MYRIP: variants seen among roughly 807,000 people sequenced by gnomAD.
The protein encoded by MYRIP is myosin VIIA and Rab interacting protein, also known as rab effector MyRIP.
Under a neutral mutation model 98.0 loss-of-function variants are expected in MYRIP, and 49 were observed. The ratio of observed to expected loss-of-function variants is 0.50; its 90% confidence interval spans 0.40 to 0.63. The LOEUF (loss-of-function observed/expected upper bound fraction) is 0.63. Ranked by LOEUF, MYRIP falls within the 30% of genes least tolerant of loss-of-function variation. The pLI is 0.00. For synonymous variants in MYRIP, 404 were observed against 409.5 expected, an observed-to-expected ratio of 0.99 and a Z score of 0.16; for missense variants, 1,004 against 1,058.2, an observed-to-expected ratio of 0.95 and a Z score of 0.71.
chr3:39,919,326 GGCAAGGTCCTAGGTCAGACT>G (rs1944245752), intron 2 of MYRIP, among the ~76,000 whole-genome samples: 2 of 152,208 alleles, frequency 1.3e-5, no homozygotes, highest in South Asian at 4.1e-4. Flanking sequence ...CCAAGGCTCA[GGCAAGGTCCTAGGTCAGACT>G]GCAAGGTCCT....
At chr3:39,889,798 G>T (rs1173995757) in intron 1 of MYRIP, among the ~76,000 whole-genome samples, 1 of 151,944 alleles carries the variant, frequency 6.6e-6, no homozygotes, top group Non-Finnish European at 1.5e-5. Flanking sequence ...TCTGAATTTT[G>T]TGTCATATTG....
chr3:39,973,123 C>T (rs1945640167), intron 2 of MYRIP, among the ~76,000 whole-genome samples: 1 of 152,024 alleles, frequency 6.6e-6, no homozygotes, highest in South Asian at 2.1e-4. Context: ...GATAAAGAGT[C>T]AAGACCCATC....
intron 2 of MYRIP, among the ~76,000 whole-genome samples, chr3:39,998,594 C>T (rs1946431371): frequency 6.6e-6 from 1 of 152,120 alleles, no homozygotes; most frequent in Admixed American, 6.5e-5. Flanking sequence ...GTGAAAATGG[C>T]CATACTGCCC....
At chr3:40,039,244 C>A (rs2125827273) in intron 2 of MYRIP, among the ~76,000 whole-genome samples, 1 of 152,226 alleles carries the variant, frequency 6.6e-6, no homozygotes, top group Non-Finnish European at 1.5e-5. Context: ...TCACATAGAC[C>A]ATGCCTCAAA....
intron 1 of MYRIP, among the ~76,000 whole-genome samples, chr3:39,883,587 A>C (rs1269455419): frequency 6.6e-6 from 1 of 152,138 alleles, no homozygotes; most frequent in Non-Finnish European, 1.5e-5. Context: ...ATAATAAAGC[A>C]GAAAATGTAT....
rs543326754 is a variant in MYRIP, at chr3:40,023,434, C to T, written c.111-20616C>T. Reference sequence around the variant, plus strand: ...AGAGATCAGTAACCATGCAGGCTGCCCCAGACTTAGGGTTGGAAGAGGAGG... The same window carrying T: ...AGAGATCAGTAACCATGCAGGCTGCTCCAGACTTAGGGTTGGAAGAGGAGG... On this transcript the variant is annotated intron_variant, in intron 2 of 16. Transcript: ENST00000302541. Among the ~76,000 whole-genome samples the T allele has an allele frequency of 1.8e-4, 27 of 152,124 alleles. No homozygotes were observed. The South Asian group carries it at 5.4e-3, about 30-fold the overall frequency.
chr3:40,258,169 C>T lies in MYRIP; in HGVS notation c.*3C>T. The stretch of plus-strand genomic sequence containing the variant: ...TGGAGTCAGCTGTGATGTACTGACA[C>T]CATGGAATTCCACTGCCAGTGACCC... On this transcript the variant is annotated 3_prime_UTR_variant, in exon 17 of 17. Coordinates refer to ENST00000302541, the MANE Select transcript of MYRIP (RefSeq NM_015460.4). The T allele has an allele frequency of 6.2e-7, 1 of 1,614,188 alleles. No individual in the cohort carries two copies. The highest frequency in any genetic ancestry group is 8.5e-7 in the Non-Finnish European group (1 of 1,180,008).
intron 10 of MYRIP, among the ~76,000 whole-genome samples, chr3:40,196,450 T>C (rs1168607383): frequency 6.6e-6 from 1 of 152,216 alleles, no homozygotes; most frequent in Non-Finnish European, 1.5e-5. Flanking sequence ...TCATTTCCAA[T>C]GTAATTCGCA....
chr3:39,937,954 G>A (rs77008403), intron 2 of MYRIP, among the ~76,000 whole-genome samples: 5,524 of 152,216 alleles, frequency 0.036, 338 homozygotes, highest in African/African-American at 0.13. Context: ...AAATGAAAAG[G>A]AGGAGGAGAG....
chr3:40,132,517 G>C lies in MYRIP; in HGVS notation c.333-18531G>C, dbSNP rs74203557. Among the ~76,000 whole-genome samples the C allele has an allele frequency of 8.2e-3, 1,243 of 152,350 alleles. 49 individuals are homozygous for C. The East Asian group carries it at 0.11, about 13-fold the overall frequency. ...TTCTCCAGAAGCCCAAGAGCTCTGA[G>C]AGCAAAAGTGTAAGGCCAAATTTGT... On this transcript the variant is annotated intron_variant, in intron 3 of 16. Transcript: ENST00000302541.
intron 2 of MYRIP, among the ~76,000 whole-genome samples, chr3:39,955,902 A>C (rs974201541): frequency 1.3e-5 from 2 of 152,250 alleles, no homozygotes; most frequent in East Asian, 3.8e-4. Flanking sequence ...AACAGATTTT[A>C]AATCAACAAA....
rs1000511163 is a variant in MYRIP, at chr3:40,107,889, AAT to A, written c.333-43158_333-43157del. Among the ~76,000 whole-genome samples, 20 of 152,304 alleles carry A rather than the reference AAT, an allele frequency of 1.3e-4. 1 individual carries two copies. In the Middle Eastern group the frequency reaches 0.014, roughly 104 times the overall value. On this transcript the variant is annotated intron_variant, in intron 3 of 16. Coordinates refer to ENST00000302541, the MANE Select transcript of MYRIP (RefSeq NM_015460.4). ...GACACAAATCACAGACTCAGAAGGG[AAT>A]GCTATCACAAAGCATTCTGCTATTA... is the stretch of plus-strand genomic sequence containing the variant.
intron 3 of MYRIP, among the ~76,000 whole-genome samples, chr3:40,106,862 T>C (rs576207829): frequency 5.3e-5 from 8 of 152,296 alleles, no homozygotes; most frequent in Non-Finnish European, 8.8e-5. Flanking sequence ...CCTTTTTTCT[T>C]TGTGTCCACT....
chr3:39,825,359 A>G (rs924958776), intron 1 of MYRIP, among the ~76,000 whole-genome samples: 11 of 152,118 alleles, frequency 7.2e-5, no homozygotes, highest in African/African-American at 2.2e-4. Flanking sequence ...TTGTTGATGC[A>G]CTTTCCTTCT....
chr3:39,916,251 T>G (rs1188630180), intron 2 of MYRIP, among the ~76,000 whole-genome samples: 1 of 152,020 alleles, frequency 6.6e-6, no homozygotes, highest in African/African-American at 2.4e-5. Flanking sequence ...GCTTTAACAG[T>G]GGCACTGCTC....
intron 2 of MYRIP, among the ~76,000 whole-genome samples, chr3:40,024,696 C>G (rs1053848721): frequency 7.9e-5 from 12 of 152,092 alleles, no homozygotes; most frequent in Non-Finnish European, 1.0e-4. Context: ...TCTCATTGCT[C>G]TTTTCAAGAA....
chr3:39,974,852 C>T (rs1945703470), intron 2 of MYRIP, among the ~76,000 whole-genome samples: 1 of 152,106 alleles, frequency 6.6e-6, no homozygotes, highest in African/African-American at 2.4e-5. Flanking sequence ...TTCAACAACC[C>T]TTCATGCTAA....
chr3:40,196,421 A>G (rs1951396490), intron 10 of MYRIP, among the ~76,000 whole-genome samples: 2 of 152,194 alleles, frequency 1.3e-5, no homozygotes, highest in South Asian at 4.1e-4. Context: ...TCCATTGTCA[A>G]ACTTTTCCAA....
At chr3:40,257,458 ATGACCT>A (rs1375041144) in intron 16 of MYRIP, among the ~76,000 whole-genome samples, 13 of 152,342 alleles carry the variant, frequency 8.5e-5, no homozygotes, top group Admixed American at 6.5e-4. Context: ...GACCTTGGTG[ATGACCT>A]TGAGCAGTAG....
Sources: allele counts gnomAD v4.1 joint callset (sites outside exome capture counted in the v4.1 genomes callset), GRCh38; gene constraint gnomAD v4.1.1; transcripts MANE v1.5; gene names NCBI Gene and HGNC (gene_info 2026-07-23, HGNC 2026-07-21).